PACRG: variants seen among roughly 807,000 people sequenced by gnomAD.
The protein encoded by PACRG is parkin coregulated.
PACRG carries 29 observed loss-of-function variants against 29.7 expected under a neutral mutation model. The ratio of observed to expected loss-of-function variants is 0.98; its 90% CI spans 0.73 to 1.33. The LOEUF (loss-of-function observed/expected upper bound fraction) is 1.33, where lower values mean the gene tolerates loss of function less well. PACRG is among the 40% of genes most tolerant of loss of function. PACRG has a pLI of 0.00. For missense variants in PACRG, 279 were observed against 316.2 expected (o/e 0.88, Z 0.89); for synonymous variants, 116 against 118.7 (o/e 0.98, Z 0.15).
intron 1 of PACRG, among the ~76,000 whole-genome samples, chr6:162,779,058 A>C (rs573831500): frequency 6.6e-6 from 1 of 151,962 alleles, no homozygotes; most frequent in African/African-American, 2.4e-5. Context: ...GCCCAATTGT[A>C]TGTTGTTCCC....
At chr6:162,731,224 A>G (rs1779742865) in intron 1 of PACRG, among the ~76,000 whole-genome samples, 1 of 152,182 alleles carries the variant, frequency 6.6e-6, no homozygotes, top group Non-Finnish European at 1.5e-5. Flanking sequence ...TTACACTCAA[A>G]GAAAACTCTT....
chr6:162,743,971 G>A (rs1464955262), intron 1 of PACRG, among the ~76,000 whole-genome samples: 2 of 152,064 alleles, frequency 1.3e-5, no homozygotes, highest in Non-Finnish European at 2.9e-5. Flanking sequence ...AGAAATTATT[G>A]TTCTTGTTAT....
intron 2 of PACRG, among the ~76,000 whole-genome samples, chr6:163,037,205 C>T (rs981817214): frequency 4.6e-5 from 7 of 152,290 alleles, no homozygotes; most frequent in Middle Eastern, 3.4e-3. Context: ...GAAGCCCGTC[C>T]GAGGGTCTCA....
chr6:162,947,950 T>C (rs148287302), intron 2 of PACRG, among the ~76,000 whole-genome samples: 2 of 152,012 alleles, frequency 1.3e-5, no homozygotes, highest in East Asian at 3.9e-4. Flanking sequence ...ATAATTAATA[T>C]TGTTAAAATG....
intron 2 of PACRG, among the ~76,000 whole-genome samples, chr6:162,995,019 C>T (rs1355020618): frequency 4.6e-5 from 7 of 150,884 alleles, no homozygotes; most frequent in Non-Finnish European, 7.4e-5. Context: ...GTCAGTGTGC[C>T]CCTGCTGGGG....
intron 1 of PACRG, among the ~76,000 whole-genome samples, chr6:162,741,590 C>G (rs1780603932): frequency 6.6e-6 from 1 of 152,022 alleles, no homozygotes; most frequent in Non-Finnish European, 1.5e-5. Context: ...CTATTCTAAC[C>G]CTAATTACTA....
rs574596493 is a variant in PACRG at position 163,002,115 on chromosome 6, G to T, written c.292-60035G>T. Among the ~76,000 whole-genome samples the T allele has an allele frequency of 7.2e-5, 11 of 152,284 alleles. No individual in the cohort carries two copies. The East Asian group carries it at 1.7e-3, about 24-fold the overall frequency. On this transcript the variant is annotated intron_variant, in intron 2 of 4. Transcript: ENST00000366888. ...AAATTTTTCAGAACGACAGAATATT[G>T]TACACATTTCTTTGGAGGTAAGAAT... is the stretch of plus-strand genomic sequence containing the variant.
chr6:163,285,392 C>T (rs1282136810), intron 4 of PACRG, among the ~76,000 whole-genome samples: 2 of 152,130 alleles, frequency 1.3e-5, no homozygotes, highest in Admixed American at 6.5e-5. Flanking sequence ...GGCTAGATCT[C>T]CCGTCTAAGC....
chr6:162,730,591 A>G (rs1779687052), intron 1 of PACRG, among the ~76,000 whole-genome samples: 1 of 152,162 alleles, frequency 6.6e-6, no homozygotes, highest in Admixed American at 6.5e-5. Flanking sequence ...GTTTCATCAA[A>G]TGGGCTGTGC....
rs549543033 is a variant in PACRG, at chr6:163,207,290, G to A, written c.614-107537G>A. The stretch of plus-strand genomic sequence containing the variant: ...GTATGGGTAGTCTGTCTGCTGAAAT[G>A]AAAATAATGACCACAGCCTATTAAG... On this transcript the variant is annotated intron_variant, in intron 4 of 4. Transcript: ENST00000366888. Among the ~76,000 whole-genome samples the A allele has an allele frequency of 2.6e-5, 4 of 152,268 alleles. No homozygotes were observed. The South Asian group carries it at 8.3e-4, about 32-fold the overall frequency.
chr6:163,245,132 AT>A (rs1409539603), intron 4 of PACRG: 2 of 421,152 alleles, frequency 4.7e-6, no homozygotes, highest in African/African-American at 2.0e-5. Flanking sequence ...ATCATTTGTA[AT>A]TAATTCCAAA....
At chr6:163,121,953 C>T (rs535072325) in intron 4 of PACRG, among the ~76,000 whole-genome samples, 29 of 152,092 alleles carry the variant, frequency 1.9e-4, no homozygotes, top group South Asian at 6.3e-4. Flanking sequence ...TGAGCCACCA[C>T]GCCTGGCCGG....
chr6:163,176,892 G>T (rs1779388390), intron 4 of PACRG, among the ~76,000 whole-genome samples: 1 of 152,220 alleles, frequency 6.6e-6, no homozygotes, highest in African/African-American at 2.4e-5. Flanking sequence ...TAAATGACAA[G>T]CCCAGGAATC....
At chr6:163,131,124 G>A (rs1469167208) in intron 4 of PACRG, among the ~76,000 whole-genome samples, 1 of 151,904 alleles carries the variant, frequency 6.6e-6, no homozygotes, top group Admixed American at 6.6e-5. Flanking sequence ...TGGCTAACAG[G>A]GTGAAACCCC....
chr6:163,271,600 TAAA>T (rs1783834422), intron 4 of PACRG, among the ~76,000 whole-genome samples: 2 of 152,190 alleles, frequency 1.3e-5, no homozygotes, highest in Non-Finnish European at 2.9e-5. Context: ...CATCACTTAT[TAAA>T]TAGTTCATGT....
intron 2 of PACRG, among the ~76,000 whole-genome samples, chr6:162,891,187 C>T (rs566716019): frequency 6.6e-6 from 1 of 152,216 alleles, no homozygotes; most frequent in Non-Finnish European, 1.5e-5. Flanking sequence ...CCCAGCAGCA[C>T]TGCACTTTAC....
At chr6:163,266,191 A>G (rs1314216115) in intron 4 of PACRG, among the ~76,000 whole-genome samples, 1 of 152,256 alleles carries the variant, frequency 6.6e-6, no homozygotes, top group Non-Finnish European at 1.5e-5. Flanking sequence ...AAACTTTGTG[A>G]ATGGGAAGTG....
intron 2 of PACRG, among the ~76,000 whole-genome samples, chr6:162,925,503 G>T (rs1584771013): frequency 6.6e-6 from 1 of 152,112 alleles, no homozygotes; most frequent in Non-Finnish European, 1.5e-5. Context: ...TGCAAGGCTG[G>T]TTCAACATAG....
chr6:162,872,410 T>TA (rs1263563331), intron 2 of PACRG, among the ~76,000 whole-genome samples: 1 of 152,238 alleles, frequency 6.6e-6, no homozygotes, highest in African/African-American at 2.4e-5. Context: ...ATTATAAACT[T>TA]ACGCCAACAA....
Sources: allele counts gnomAD v4.1 joint callset (sites outside exome capture counted in the v4.1 genomes callset), GRCh38; gene constraint gnomAD v4.1.1; transcripts MANE v1.5; gene names NCBI Gene and HGNC (gene_info 2026-07-23, HGNC 2026-07-21).